Variants in RARB observed in about 807,000 individuals in gnomAD.
The protein encoded by RARB is HBV-activated protein.
Under a neutral mutation model 51.9 loss-of-function variants are expected in RARB, and 17 were observed. The observed-to-expected ratio is 0.33, with a 90% CI of 0.22 to 0.49. RARB has a LOEUF of 0.49. Ranked by LOEUF, RARB falls within the 20% of genes least tolerant of loss-of-function variation. The probability of loss-of-function intolerance (pLI) is 0.99; values close to 1 mark genes in which losing one functional copy is unlikely to be tolerated. For missense variants in RARB, 369 were observed against 550.8 expected (o/e 0.67, Z 3.30); for synonymous variants, 215 against 195.4 (o/e 1.10, Z -0.84).
intron 5 of RARB, among the ~76,000 whole-genome samples, chr3:25,586,716 G>T (rs1701406791): frequency 6.6e-6 from 1 of 152,178 alleles, no homozygotes; most frequent in African/African-American, 2.4e-5. Flanking sequence ...CCTGGAGACT[G>T]TGCAGCTGTA....
At chr3:24,849,635 C>T (rs1373649168) in intron 1 of RARB, among the ~76,000 whole-genome samples, 2 of 152,194 alleles carry the variant, frequency 1.3e-5, no homozygotes, top group African/African-American at 2.4e-5. Flanking sequence ...CTGAGAGAAG[C>T]TTCTCAAATA....
At chr3:25,196,941 A>C (rs1235414813) in intron 5 of RARB, among the ~76,000 whole-genome samples, 1 of 150,886 alleles carries the variant, frequency 6.6e-6, no homozygotes, top group Non-Finnish European at 1.5e-5. Flanking sequence ...AAATTTGTTT[A>C]AGTTCTTTGT....
intron 5 of RARB, among the ~76,000 whole-genome samples, chr3:25,390,341 A>G (rs1706915323): frequency 6.6e-6 from 1 of 152,186 alleles, no homozygotes; most frequent in Non-Finnish European, 1.5e-5. Flanking sequence ...GTGAGGACAC[A>G]GAGAAGACTC....
chr3:25,086,275 C>T (rs1200090965), intron 3 of RARB, among the ~76,000 whole-genome samples: 1 of 152,088 alleles, frequency 6.6e-6, no homozygotes, highest in Non-Finnish European at 1.5e-5. Flanking sequence ...TAGGAAAGAA[C>T]AATTTTGTTA....
intron 2 of RARB, among the ~76,000 whole-genome samples, chr3:25,495,059 G>A (rs1029841308): frequency 1.3e-5 from 2 of 152,106 alleles, no homozygotes; most frequent in Admixed American, 6.5e-5. Context: ...GTAAGTGGCC[G>A]AGTCACAGTT....
intron 4 of RARB, among the ~76,000 whole-genome samples, chr3:25,154,835 C>G (rs1466191126): frequency 1.3e-5 from 2 of 152,188 alleles, no homozygotes; most frequent in African/African-American, 4.8e-5. Flanking sequence ...TCATAATACT[C>G]GCACCTACCT....
At chr3:25,125,342 C>A (rs1041472206) in intron 3 of RARB, among the ~76,000 whole-genome samples, 2 of 152,174 alleles carry the variant, frequency 1.3e-5, no homozygotes, top group African/African-American at 2.4e-5. Flanking sequence ...CTCCACTAAG[C>A]AGCTGGTATT....
chr3:24,981,632 C>A (rs1317247206), intron 2 of RARB, among the ~76,000 whole-genome samples: 3 of 152,090 alleles, frequency 2.0e-5, no homozygotes, highest in Admixed American at 6.5e-5. Context: ...GTTGTGAAGA[C>A]CATGGGAAAA....
At chr3:25,270,517 A>T (rs1409853375) in intron 5 of RARB, among the ~76,000 whole-genome samples, 1 of 152,210 alleles carries the variant, frequency 6.6e-6, no homozygotes, top group Non-Finnish European at 1.5e-5. Flanking sequence ...TATATTTTTA[A>T]AACCTGTCAC....
At chr3:24,990,883 T>C (rs1263500583) in intron 2 of RARB, among the ~76,000 whole-genome samples, 2 of 152,250 alleles carry the variant, frequency 1.3e-5, no homozygotes, top group Admixed American at 6.5e-5. Context: ...TTGACATCAT[T>C]AAATAGTAAA....
intron 2 of RARB, among the ~76,000 whole-genome samples, chr3:24,939,311 T>A (rs1489009481): frequency 6.6e-6 from 1 of 152,216 alleles, no homozygotes; most frequent in African/African-American, 2.4e-5. Context: ...GTCCCTCCTT[T>A]CAATTCTTTC....
intron 3 of RARB, among the ~76,000 whole-genome samples, chr3:25,094,534 T>C (rs983630397): frequency 1.3e-5 from 2 of 151,762 alleles, no homozygotes; most frequent in African/African-American, 4.8e-5. Flanking sequence ...TTGGGCAACT[T>C]GGCAAAACCT....
intron 2 of RARB, among the ~76,000 whole-genome samples, chr3:24,941,210 T>C (rs1008765336): frequency 6.7e-6 from 1 of 149,350 alleles, no homozygotes; most frequent in Non-Finnish European, 1.5e-5. Context: ...ATCAGAAAAC[T>C]ATAGTGATTA....
intron 3 of RARB, among the ~76,000 whole-genome samples, chr3:25,121,483 A>T (rs1427308314): frequency 2.0e-5 from 3 of 152,180 alleles, no homozygotes; most frequent in Non-Finnish European, 2.9e-5. Flanking sequence ...ATGGATAATG[A>T]ATATGGTGCA....
chr3:25,040,904 AATG>A (rs1698099997), intron 2 of RARB, among the ~76,000 whole-genome samples: 1 of 152,206 alleles, frequency 6.6e-6, no homozygotes, highest in Non-Finnish European at 1.5e-5. Flanking sequence ...TATAAGCCTG[AATG>A]ATTCAAAGTC....
chr3:24,885,935 A>T (rs1703258174), intron 2 of RARB, among the ~76,000 whole-genome samples: 1 of 152,178 alleles, frequency 6.6e-6, no homozygotes, highest in Admixed American at 6.6e-5. Context: ...GTTATATGCC[A>T]CCTACTCATA....
intron 5 of RARB, among the ~76,000 whole-genome samples, chr3:25,321,121 C>G (rs1375561053): frequency 6.6e-6 from 1 of 152,124 alleles, no homozygotes; most frequent in Non-Finnish European, 1.5e-5. Context: ...GTACAAGGCA[C>G]AATAAGTTTA....
intron 4 of RARB, among the ~76,000 whole-genome samples, chr3:25,141,689 A>T (rs1251671382): frequency 1.3e-5 from 2 of 152,230 alleles, no homozygotes; most frequent in African/African-American, 4.8e-5. Context: ...GTATATTTAA[A>T]TTAGGGCTTT....
intron 1 of RARB, among the ~76,000 whole-genome samples, chr3:24,850,931 A>G (rs886674178): frequency 6.6e-6 from 1 of 152,260 alleles, no homozygotes; most frequent in Non-Finnish European, 1.5e-5. Flanking sequence ...AGTACTCATT[A>G]GCAAACCTCC....
Sources: allele counts gnomAD v4.1 joint callset (sites outside exome capture counted in the v4.1 genomes callset), GRCh38; gene constraint gnomAD v4.1.1; transcripts MANE v1.5; gene names NCBI Gene and HGNC (gene_info 2026-07-23, HGNC 2026-07-21).